CFAP74: variants seen among roughly 807,000 people sequenced by gnomAD.
CFAP74 encodes the protein cilia- and flagella-associated protein 74.
A neutral mutation model predicts 188.9 loss-of-function variants in CFAP74; 124 were observed. That is an observed-to-expected ratio of 0.66 (90% CI 0.57 to 0.76). CFAP74 has a LOEUF of 0.76. Among genes scored for constraint, CFAP74 ranks in the 30% least tolerant of loss-of-function variants. The pLI, the probability that CFAP74 is intolerant of heterozygous loss-of-function variation, is 0.00. For synonymous variants in CFAP74, 956 were observed against 916.7 expected (o/e 1.04, Z -0.77); for missense variants, 2,198 against 2,165.2 (o/e 1.02, Z -0.30).
At position 1,938,855 on chromosome 1, in the gene CFAP74, C is replaced by A; in HGVS notation, c.3011G>T (p.Arg1004Leu). 1 of 1,535,944 alleles carries A rather than the reference C, an allele frequency of 6.5e-7. No homozygotes were observed. The highest frequency in any genetic ancestry group is 1.2e-5 in the South Asian group (1 of 84,034). ...FQLTCKSEIN[R>L]CFKLSCRAVG... The stretch of plus-strand genomic sequence containing the variant: ...CGTCCCCTCTCCCTGGCAGGCTCAC[C>A]GGTTGATCTCAGACTTGCAGGTCAG... Residue 1004 changes from arginine to leucine, a missense_variant and splice_region_variant, in exon 25 of 39, where the codon CGG becomes CTG. Physicochemically the swap from Arg to Leu is moderately radical, Grantham distance 102. Coordinates refer to ENST00000682832, the MANE Select transcript of CFAP74 (RefSeq NM_001304360.2).
In CFAP74 at chr1:1,946,371, T is replaced by A; in HGVS notation, c.2310A>T (p.Pro770=). ...KVPIVFTPVV[P]GDVQARFKVT... Reference sequence around the variant, plus strand: ...CTTTGAACCTGGCTTGGACGTCGCCTGGGACGACCGGAGTGAAGACGATGG... The same window carrying A: ...CTTTGAACCTGGCTTGGACGTCGCCAGGGACGACCGGAGTGAAGACGATGG... The change falls in exon 20 of 39, where the codon CCA becomes CCT. Residue 770 remains proline (P), a synonymous_variant. Transcript: ENST00000682832. The A allele has an allele frequency of 1.3e-6, 2 of 1,536,956 alleles. No individual in the cohort carries two copies. Among genetic ancestry groups the A allele is most frequent in the Non-Finnish European group, 1.7e-6 (2 of 1,146,844 alleles).
At chr1:1,926,831 A>G in intron 29 of CFAP74, 63 bp downstream of exon 29, 2 of 1,549,094 alleles carry the variant, frequency 1.3e-6, no homozygotes, top group Non-Finnish European at 1.7e-6. Context: ...AGAGTTGGGC[A>G]GTAGCAGAGG....
In CFAP74 at chr1:1,923,358, G is replaced by T; in HGVS notation, c.4522+9C>A. On this transcript the variant is annotated intron_variant, in intron 36 of 38. Coordinates refer to ENST00000682832, the MANE Select transcript of CFAP74 (RefSeq NM_001304360.2). The surrounding 1 kb of genome is among the most constrained non-coding windows in gnomAD (Gnocchi z 6.3). ...CCCGTGTCTGTTCCCTCCCTGGGGA[G>T]GGGCTCACCCTCTCTGTGCCTGGGG... is the stretch of plus-strand genomic sequence containing the variant. 1 of 1,559,466 alleles carries T rather than the reference G, an allele frequency of 6.4e-7. No homozygotes were observed. The highest frequency in any genetic ancestry group is 2.4e-5 in the East Asian group (1 of 42,250).
intron 1 of CFAP74, among the ~76,000 whole-genome samples, chr1:1,997,295 G>A (rs1180834827): frequency 6.6e-6 from 1 of 151,876 alleles, no homozygotes; most frequent in Non-Finnish European, 1.5e-5. Context: ...GGTGGCGCAC[G>A]CCTGTAATCC....
chr1:1,961,682 C>T (rs1558030731), intron 14 of CFAP74, among the ~76,000 whole-genome samples: 1 of 152,142 alleles, frequency 6.6e-6, no homozygotes, highest in Non-Finnish European at 1.5e-5. Flanking sequence ...ACAGAACCCT[C>T]CAGACTTAAA....
At chr1:1,981,105 G>A (rs903624603) in intron 6 of CFAP74, among the ~76,000 whole-genome samples, 11 of 152,186 alleles carry the variant, frequency 7.2e-5, no homozygotes, top group African/African-American at 2.7e-4. Flanking sequence ...GCTGCCCCTC[G>A]CACACACCCG....
chr1:1,965,832 G>C (rs1303122760), intron 12 of CFAP74, among the ~76,000 whole-genome samples: 1 of 152,230 alleles, frequency 6.6e-6, no homozygotes, highest in African/African-American at 2.4e-5. Flanking sequence ...GGTGGCCAAT[G>C]CTTACAGAAA....
At chr1:1,998,929 A>AAATG (rs1658063787) in intron 1 of CFAP74, among the ~76,000 whole-genome samples, 1 of 152,094 alleles carries the variant, frequency 6.6e-6, no homozygotes, top group African/African-American at 2.4e-5. Flanking sequence ...ATAAATAAAT[A>AAATG]AATAGCTCAT....
At chr1:1,967,760 A>C (rs921292592) in intron 11 of CFAP74, among the ~76,000 whole-genome samples, 2 of 152,236 alleles carry the variant, frequency 1.3e-5, no homozygotes, top group Non-Finnish European at 2.9e-5. Flanking sequence ...GCACTGTGCC[A>C]GACTCAGGAG....
rs762319615 is a variant in CFAP74 at position 1,963,817 on chromosome 1, G to C, written c.1626C>G (p.Thr542=). Residue 542 remains threonine, a synonymous_variant, in exon 14 of 39, where the codon ACC becomes ACG. Transcript: ENST00000682832. Reference sequence around the variant, plus strand: ...GCTTGCAGTAGTTGATCGTGTAGGTGGTGTTTACCAACGTGATCTTTTTCT... The same window carrying C: ...GCTTGCAGTAGTTGATCGTGTAGGTCGTGTTTACCAACGTGATCTTTTTCT... ...VYKKKITLVN[T]TYTINYCKLV... The C allele has an allele frequency of 6.2e-7, 1 of 1,613,886 alleles. No homozygotes were observed. The highest frequency in any genetic ancestry group is 1.1e-5 in the South Asian group (1 of 91,058).
chr1:1,989,521 C>T (rs960242826), intron 2 of CFAP74, among the ~76,000 whole-genome samples: 7 of 152,182 alleles, frequency 4.6e-5, no homozygotes, highest in African/African-American at 9.6e-5. Flanking sequence ...AGTGCGGTGG[C>T]GTGATCTTGG....
Position 1,926,981 on chromosome 1 carries a change from TG to T in CFAP74, c.3574del (p.Gln1192ArgfsTer8), listed in dbSNP as rs1651956810. On this transcript the variant is annotated frameshift_variant, in exon 29 of 39. Coordinates refer to ENST00000682832, the MANE Select transcript of CFAP74 (RefSeq NM_001304360.2). LOFTEE classifies it high-confidence loss of function. Reference sequence around the variant, plus strand: ...AACTACAAATGTGTCAAACTTCGCCTGGAACGCTCTGAGCAGGGTGGCTCGG... The same window carrying T: ...AACTACAAATGTGTCAAACTTCGCCTGAACGCTCTGAGCAGGGTGGCTCGG... ...AARATLLRAF[Q>X]AKFDTFVVPC... 2 of 1,550,136 alleles carry T rather than the reference TG, an allele frequency of 1.3e-6. No individual in the cohort carries two copies. Among genetic ancestry groups the T allele is most frequent in the African/African-American group, 2.7e-5 (2 of 73,052 alleles).
At chr1:1,970,442 G>A (rs1017583362) in intron 10 of CFAP74, among the ~76,000 whole-genome samples, 1 of 152,228 alleles carries the variant, frequency 6.6e-6, no homozygotes, top group Non-Finnish European at 1.5e-5. Context: ...GGTTGGGCGT[G>A]GACTGGAGTA....
In CFAP74 at chr1:1,926,301, T is replaced by A; in HGVS notation, c.3875A>T (p.Asn1292Ile). Residue 1292 changes from asparagine to isoleucine, a missense_variant, in exon 32 of 39, where the codon AAC becomes ATC. Asn to Ile is a moderately radical substitution (Grantham distance 149). Coordinates refer to ENST00000682832, the MANE Select transcript of CFAP74 (RefSeq NM_001304360.2). ...LNPNGPFVLLNHSSLLRAGGT... is the reference protein window; with the variant it reads ...LNPNGPFVLLIHSSLLRAGGT... ...ACCTGCACGCAGCAGGCTGGAGTGG[T>A]TCAGCAGGACAAAGGGGCCGTTGGG... 6.5e-7 allele frequency: 1 copy of A among 1,546,900 alleles called. No individual in the cohort carries two copies. Among genetic ancestry groups the A allele is most frequent in the Non-Finnish European group, 8.7e-7 (1 of 1,145,018 alleles).
chr1:1,923,629 C>G lies in CFAP74; in HGVS notation c.4390-130G>C. 6.6e-7 allele frequency: 1 copy of G among 1,522,932 alleles called. No homozygotes were observed. The highest frequency in any genetic ancestry group is 8.9e-7 in the Non-Finnish European group (1 of 1,122,808). The allele number at this position is 1,522,932 out of a possible 1,614,324, so 94.3% of individuals were successfully genotyped here. A position where few individuals can be genotyped will look rare whatever the true frequency, so the allele number is the denominator to read the frequency against. On this transcript the variant is annotated intron_variant, in intron 35 of 38. Transcript: ENST00000682832. The surrounding 1 kb of genome is among the most constrained non-coding windows in gnomAD (Gnocchi z 6.3). ...GCCCCGTGGGGCCCTGGACTCTGGT[C>G]TTTCCACTGACGGCCCTCAGTGTGG...
chr1:1,968,770 C>G lies in CFAP74; in HGVS notation c.1110G>C (p.Glu370Asp). Reference sequence around the variant, plus strand: ...GTTTCTTCCTCTTTTCCTCCTCAGCCTCCTCTTTCAGAATCCGACTGATGA... The same window carrying G: ...GTTTCTTCCTCTTTTCCTCCTCAGCGTCCTCTTTCAGAATCCGACTGATGA... Reference protein sequence around the residue: ...QEIISRILKEEAEEEKRKKQH... With the variant: ...QEIISRILKEDAEEEKRKKQH... Residue 370 changes from glutamate to aspartate, a missense_variant, in exon 11 of 39, where the codon GAG becomes GAC. By Grantham distance (45) the Glu-to-Asp change is conservative (BLOSUM62 2). Transcript: ENST00000682832. The surrounding 1 kb of genome is among the most constrained non-coding windows in gnomAD (Gnocchi z 4.3). The G allele has an allele frequency of 2.5e-6, 4 of 1,614,126 alleles. No homozygotes were observed. The highest frequency in any genetic ancestry group is 2.5e-6 in the Non-Finnish European group (3 of 1,179,988).
In CFAP74 at chr1:1,987,034, C is replaced by T. The variant is rs1387975176; in HGVS notation, c.298G>A (p.Gly100Arg). 1 of 1,593,936 alleles carries T rather than the reference C, an allele frequency of 6.3e-7. No individual in the cohort carries two copies. Among genetic ancestry groups the T allele is most frequent in the Non-Finnish European group, 8.5e-7 (1 of 1,173,478 alleles). ...CTCTGCCGACAGGCGCGCAGCTCCC[C>T]TCTGGAACAGGGAAACAAAGGTCAG... ...EQELFTEKMR[G>R]ELRACRQRRD... is the part of the protein sequence containing the mutation. Residue 100 changes from glycine (G) to arginine (R), a missense_variant and splice_region_variant, in exon 5 of 39, where the codon GGG becomes AGG. Gly to Arg is a moderately radical substitution (Grantham distance 125). Coordinates refer to ENST00000682832, the MANE Select transcript of CFAP74 (RefSeq NM_001304360.2).
At position 1,990,889 on chromosome 1, in the gene CFAP74, C is replaced by T. The variant is rs781616707; in HGVS notation, c.67+1G>A. The T allele has an allele frequency of 1.2e-6, 2 of 1,611,318 alleles. No homozygotes were observed. The highest frequency in any genetic ancestry group is 2.2e-5 in the East Asian group (1 of 44,842). On this transcript the variant is annotated splice_donor_variant, in intron 2 of 38. Coordinates refer to ENST00000682832, the MANE Select transcript of CFAP74 (RefSeq NM_001304360.2). LOFTEE classifies it high-confidence loss of function. ...CGTTACTGTGAAAGAAGCTTTATTA[C>T]CATCTTCCAAAAGAAGGGCATCGGC...
intron 4 of CFAP74, 88 bp downstream of exon 4, chr1:1,988,424 A>AC: frequency 6.5e-7 from 1 of 1,530,916 alleles, no homozygotes; most frequent in South Asian, 1.1e-5. Context: ...CAGGGTGACG[A>AC]CAGGTACAGG....
Sources: allele counts gnomAD v4.1 joint callset (sites outside exome capture counted in the v4.1 genomes callset), GRCh38; gene constraint gnomAD v4.1.1; non-coding constraint Gnocchi (gnomAD v3.1); transcripts MANE v1.5; gene names NCBI Gene and HGNC (gene_info 2026-07-23, HGNC 2026-07-21).